PMVK: variants seen among roughly 807,000 people sequenced by gnomAD.
PMVK encodes the protein testis tissue sperm-binding protein Li 95mP.
In PMVK, 10 loss-of-function variants were observed where a neutral mutation model predicts 19.0. The observed-to-expected ratio is 0.53, with a 90% CI of 0.32 to 0.89. PMVK has a LOEUF of 0.89. Among genes scored for constraint, PMVK ranks in the 40% least tolerant of loss-of-function variants. The probability of loss-of-function intolerance (pLI) is 0.03; values close to 1 mark genes in which losing one functional copy is unlikely to be tolerated. For missense variants in PMVK, 222 were observed against 251.1 expected (o/e 0.88, Z 0.78); for synonymous variants, 108 against 101.6 (o/e 1.06, Z -0.38).
At chr1:154,928,375 C>A (rs1273870738) in intron 3 of PMVK, among the ~76,000 whole-genome samples, 2 of 152,086 alleles carry the variant, frequency 1.3e-5, no homozygotes, top group African/African-American at 2.4e-5. Flanking sequence ...CACACAAGGC[C>A]CAGAAGTTCA....
rs375698500 is a variant in PMVK, at chr1:154,925,142, C to A, written c.566G>T (p.Arg189Leu). Residue 189 changes from arginine (R) to leucine (L), a missense_variant, in exon 5 of 5, where the codon CGC becomes CTC. Transcript: ENST00000368467. The part of the protein sequence containing the change: ...EQLENLIEFI[R>L]SRL ...AGAACCTAGTGACTAAAGTCTGGAG[C>A]GGATAAATTCTATCAGGTTCTCCAA... The A allele has an allele frequency of 5.0e-6, 8 of 1,612,088 alleles. No individual in the cohort carries two copies. The South Asian group carries it at 7.7e-5, about 16-fold the overall frequency.
intron 1 of PMVK, among the ~76,000 whole-genome samples, chr1:154,933,461 T>C (rs1306840136): frequency 1.4e-5 from 2 of 143,836 alleles, no homozygotes; most frequent in African/African-American, 2.5e-5. Flanking sequence ...TAAAAATAAC[T>C]CATTCGTTAT....
chr1:154,925,346 G>A (rs559680525), intron 4 of PMVK, 81 bp from the exon 5 acceptor site: 2 of 1,494,060 alleles, frequency 1.3e-6, no homozygotes, highest in Non-Finnish European at 1.9e-6. Context: ...CCCAACTGGA[G>A]TGGGCCCTCC....
chr1:154,931,647 A>C (rs1187050793), intron 2 of PMVK, among the ~76,000 whole-genome samples: 1 of 152,192 alleles, frequency 6.6e-6, no homozygotes, highest in Non-Finnish European at 1.5e-5. Flanking sequence ...ATATTTGTTA[A>C]ATAGCCAAAT....
chr1:154,928,580 T>A (rs1654240273), intron 3 of PMVK, among the ~76,000 whole-genome samples: 1 of 152,090 alleles, frequency 6.6e-6, no homozygotes, highest in Non-Finnish European at 1.5e-5. Context: ...GAGACCAGCC[T>A]GGCCAACATG....
the PMVK span, among the ~76,000 whole-genome samples, chr1:154,941,965 T>G: frequency 6.6e-6 from 1 of 151,670 alleles, no homozygotes; most frequent in Non-Finnish European, 1.5e-5. Context: ...GAATGAGAGA[T>G]AAGGACGGGA....
intron 2 of PMVK, 119 bp downstream of exon 2, chr1:154,932,232 GC>G: frequency 1.3e-6 from 1 of 754,162 alleles, no homozygotes; most frequent in Non-Finnish European, 2.4e-6. Context: ...CCAAGAGCTG[GC>G]CACCACCCTG....
At position 154,936,670 on chromosome 1, in the gene PMVK, C is replaced by T. The variant is rs773383943; in HGVS notation, c.16G>A (p.Gly6Ser). Residue 6 changes from glycine (G) to serine (S), a missense_variant, in exon 1 of 5, where the codon GGC becomes AGC. Gly to Ser is a moderately conservative substitution (Grantham distance 56). Coordinates refer to ENST00000368467, the MANE Select transcript of PMVK (RefSeq NM_006556.4). MAPLG[G>S]APRLVLLFSG... The stretch of plus-strand genomic sequence containing the variant: ...AACAGCAGTACCAGCCGCGGGGCGC[C>T]TCCCAGCGGGGCCATGGGGCCGCCA... The T allele has an allele frequency of 1.2e-6, 2 of 1,607,350 alleles. No individual in the cohort carries two copies. The highest frequency in any genetic ancestry group is 2.7e-5 in the African/African-American group (2 of 74,890).
Position 154,924,810 on chromosome 1 carries a change from A to G in PMVK, c.*319T>C, listed in dbSNP as rs371230538. 2 of 342,240 alleles carry G rather than the reference A, an allele frequency of 5.8e-6. No individual in the cohort carries two copies. The highest frequency in any genetic ancestry group is 1.2e-4 in the East Asian group (2 of 16,622). The allele number at this position is 342,240 out of a possible 1,614,324, so 21.2% of individuals were successfully genotyped here. A position where few individuals can be genotyped will look rare whatever the true frequency, so the allele number is the denominator to read the frequency against. Reference sequence around the variant, plus strand: ...TTCTTGCCCAGAACAAGGGGCTGAGAACATCCAGTCAGGATGCAAGGCCAC... The same window carrying G: ...TTCTTGCCCAGAACAAGGGGCTGAGGACATCCAGTCAGGATGCAAGGCCAC... On this transcript the variant is annotated 3_prime_UTR_variant, in exon 5 of 5. Transcript: ENST00000368467.
chr1:154,933,382 G>A (rs959070942), intron 1 of PMVK, among the ~76,000 whole-genome samples: 3 of 151,010 alleles, frequency 2.0e-5, no homozygotes, highest in South Asian at 2.1e-4. Context: ...GCAGTGAGCC[G>A]AGATCGCCCC....
intron 3 of PMVK, among the ~76,000 whole-genome samples, chr1:154,927,151 CT>C (rs1268395447): frequency 6.6e-6 from 1 of 152,036 alleles, no homozygotes; most frequent in African/African-American, 2.4e-5. Flanking sequence ...GTCATTTTGT[CT>C]GTTACAGAAA....
At chr1:154,930,776 G>C (rs556734348) in intron 2 of PMVK, among the ~76,000 whole-genome samples, 3 of 151,118 alleles carry the variant, frequency 2.0e-5, no homozygotes, top group Admixed American at 6.6e-5. Flanking sequence ...ATTTGGGAAA[G>C]AATCCTGCTT....
In PMVK at chr1:154,932,497, G is replaced by A. The variant is rs1033935723; in HGVS notation, c.96-82C>T. The A allele has an allele frequency of 2.5e-5, 22 of 884,100 alleles. No homozygotes were observed. The African/African-American group carries it at 2.8e-4, about 11-fold the overall frequency. 54.8% of individuals were successfully genotyped at this position (884,100 alleles called of 1,614,324 possible). On this transcript the variant is annotated intron_variant, in intron 1 of 4. Coordinates refer to ENST00000368467, the MANE Select transcript of PMVK (RefSeq NM_006556.4). ...TCCCAGAAAGGGAGTCAAGAGGCCTGTGTTGAAGTCCCATTTCTACTACTG... is the reference window on the plus strand; with the variant it reads ...TCCCAGAAAGGGAGTCAAGAGGCCTATGTTGAAGTCCCATTTCTACTACTG...
At chr1:154,933,597 G>A (rs1171399864) in intron 1 of PMVK, among the ~76,000 whole-genome samples, 2 of 142,490 alleles carry the variant, frequency 1.4e-5, no homozygotes, top group Admixed American at 7.1e-5. Flanking sequence ...AGGTTTGAGC[G>A]ATTCTCCTGC....
At position 154,929,196 on chromosome 1, in the gene PMVK, T is replaced by A; in HGVS notation, c.160-20A>T. The stretch of plus-strand genomic sequence containing the variant: ...ATGCTCCTGCCCAAAGGACATTATG[T>A]CTACGTCACCGGCCTTTCAACCTCA... On this transcript the variant is annotated intron_variant, in intron 2 of 4. Coordinates refer to ENST00000368467, the MANE Select transcript of PMVK (RefSeq NM_006556.4). The A allele has an allele frequency of 6.2e-7, 1 of 1,613,074 alleles. No homozygotes were observed. The highest frequency in any genetic ancestry group is 1.1e-5 in the South Asian group (1 of 91,060).
At chr1:154,939,748 G>C (rs570291193), upstream of PMVK, among the ~76,000 whole-genome samples, 1 of 150,740 alleles carries the variant, frequency 6.6e-6, no homozygotes, top group Non-Finnish European at 1.5e-5. Context: ...GATCCACCTA[G>C]ATGACAGCCA....
chr1:154,938,114 T>C (rs1654567655), upstream of PMVK: 2 of 152,252 alleles, frequency 1.3e-5, no homozygotes, highest in Admixed American at 6.5e-5. Context: ...CAACACAGAA[T>C]CAGATTTTCC....
intron 3 of PMVK, among the ~76,000 whole-genome samples, chr1:154,927,904 T>C (rs1455947539): frequency 6.7e-6 from 1 of 148,538 alleles, no homozygotes; most frequent in Non-Finnish European, 1.5e-5. Flanking sequence ...CCTACTTTAT[T>C]TTACTCCTTA....
At chr1:154,933,548 C>A (rs1445203637) in intron 1 of PMVK, among the ~76,000 whole-genome samples, 5 of 131,736 alleles carry the variant, frequency 3.8e-5, no homozygotes, top group Admixed American at 8.1e-5. Context: ...GGCTGGAGTG[C>A]AATGGCGCGA....
Sources: gnomAD v4.1 joint callset for allele counts (sites outside exome capture counted in the v4.1 genomes callset) on GRCh38, gnomAD v4.1.1 for gene constraint, MANE v1.5 for transcripts, NCBI Gene and HGNC (gene_info 2026-07-23, HGNC 2026-07-21) for gene names.